The following DENND5B variants were observed in gnomAD, a reference collection of about 807,000 sequenced individuals.
DENND5B encodes the protein DENN domain-containing protein 5B.
Under a neutral mutation model 140.6 loss-of-function variants are expected in DENND5B, and 34 were observed. That is an observed-to-expected ratio of 0.24 (90% CI 0.18 to 0.32). The LOEUF is 0.32. Among genes scored for constraint, DENND5B ranks in the 10% least tolerant of loss-of-function variants. The pLI, the probability that DENND5B is intolerant of heterozygous loss-of-function variation, is 1.00. For missense variants in DENND5B, 1,142 were observed against 1,560.2 expected (o/e 0.73, Z 4.52); for synonymous variants, 551 against 562.1 (o/e 0.98, Z 0.28).
intron 1 of DENND5B, among the ~76,000 whole-genome samples, chr12:31,552,869 T>C (rs556829242): frequency 6.6e-6 from 1 of 152,354 alleles, no homozygotes; most frequent in East Asian, 1.9e-4. Flanking sequence ...GTGTTTATAG[T>C]ATCTCTGATG....
At chr12:31,449,478 A>G (rs793183) in intron 5 of DENND5B, among the ~76,000 whole-genome samples, 140,192 of 152,188 alleles carry the variant, frequency 0.92, 65,184 homozygotes, top group East Asian at 0.99. Context: ...GACCCTCATA[A>G]ACTATAAAAT....
chr12:31,465,400 C>G (rs772987627), intron 3 of DENND5B: 2 of 153,006 alleles, frequency 1.3e-5, no homozygotes, highest in African/African-American at 4.8e-5. Flanking sequence ...TGGAATCTCG[C>G]TCTGTTGCCC....
intron 17 of DENND5B, among the ~76,000 whole-genome samples, chr12:31,394,739 G>A (rs10771827): frequency 0.58 from 87,502 of 151,616 alleles, 25,693 homozygotes; most frequent in East Asian, 0.82. Context: ...TCAGCCTCCC[G>A]AGTAGCTGGG....
At chr12:31,546,890 A>G (rs1269148809) in intron 1 of DENND5B, among the ~76,000 whole-genome samples, 2 of 152,246 alleles carry the variant, frequency 1.3e-5, no homozygotes, top group African/African-American at 4.8e-5. Context: ...TTGAGTTTAC[A>G]GTCCGCAACA....
intron 1 of DENND5B, among the ~76,000 whole-genome samples, chr12:31,525,586 T>C (rs1298106840): frequency 6.6e-6 from 1 of 152,232 alleles, no homozygotes; most frequent in Non-Finnish European, 1.5e-5. Flanking sequence ...CTAACATTTA[T>C]TGTGGAATGG....
intron 1 of DENND5B, among the ~76,000 whole-genome samples, chr12:31,525,107 T>C (rs188426915): frequency 1.3e-3 from 201 of 152,268 alleles, no homozygotes; most frequent in Non-Finnish European, 1.7e-3. Context: ...TGTAAAGAAA[T>C]TGGAACCCTC....
intron 1 of DENND5B, among the ~76,000 whole-genome samples, chr12:31,575,306 C>T (rs1206056346): frequency 6.6e-6 from 1 of 152,158 alleles, no homozygotes; most frequent in African/African-American, 2.4e-5. Flanking sequence ...TCAATGTATT[C>T]TTATTAAAGT....
Position 31,387,802 on chromosome 12 carries a change from G to C in DENND5B, c.3642-16C>G, listed in dbSNP as rs1225136755. On this transcript the variant is annotated splice_polypyrimidine_tract_variant and intron_variant, in intron 20 of 20. Coordinates refer to ENST00000389082, the MANE Select transcript of DENND5B (RefSeq NM_144973.4). ...CAGGCGATCCCTACAGACCCAAACA[G>C]AAACAATTCCTGAGCATTGCTGGCC... The C allele has an allele frequency of 1.9e-6, 3 of 1,607,972 alleles. No individual in the cohort carries two copies. The South Asian group carries it at 3.3e-5, about 18-fold the overall frequency.
intron 1 of DENND5B, among the ~76,000 whole-genome samples, chr12:31,588,749 A>G (rs75696893): frequency 0.011 from 1,723 of 152,322 alleles, 19 homozygotes; most frequent in East Asian, 0.031. Flanking sequence ...ATCTCTTTAC[A>G]CTAGAACGTA....
intron 1 of DENND5B, among the ~76,000 whole-genome samples, chr12:31,508,699 C>T (rs1039038187): frequency 2.0e-5 from 3 of 152,168 alleles, no homozygotes; most frequent in Non-Finnish European, 4.4e-5. Context: ...AGTCTCTCTG[C>T]GTTAGTGTGT....
At chr12:31,507,511 C>G (rs1290552797) in intron 1 of DENND5B, among the ~76,000 whole-genome samples, 3 of 151,958 alleles carry the variant, frequency 2.0e-5, no homozygotes, top group East Asian at 3.9e-4. Flanking sequence ...TATTTACTTG[C>G]AAAAATAACC....
chr12:31,508,545 T>C (rs1370390168), intron 1 of DENND5B, among the ~76,000 whole-genome samples: 1 of 152,190 alleles, frequency 6.6e-6, no homozygotes, highest in Non-Finnish European at 1.5e-5. Flanking sequence ...GGGCTAAATA[T>C]GTTAGAAACG....
At chr12:31,425,974 T>A (rs1487314348) in intron 9 of DENND5B, among the ~76,000 whole-genome samples, 1 of 152,190 alleles carries the variant, frequency 6.6e-6, no homozygotes, top group East Asian at 1.9e-4. Context: ...ACAAAAGTGT[T>A]GCCTTTCACA....
rs116923900 is a variant in DENND5B at position 31,519,593 on chromosome 12, T to C, written c.128-23674A>G. On this transcript the variant is annotated intron_variant, in intron 1 of 20. Coordinates refer to ENST00000389082, the MANE Select transcript of DENND5B (RefSeq NM_144973.4). ...CACAAGTACTCACAAAAGAAGGCCA[T>C]TAGGCTTCCCTAAATGCCACCAGAT... is the stretch of plus-strand genomic sequence containing the variant. 7.6e-4 allele frequency among the ~76,000 whole-genome samples: 115 copies of C among 152,304 alleles called. No homozygotes were observed. The East Asian group carries it at 0.022, about 29-fold the overall frequency.
At chr12:31,587,001 A>T (rs1478495860) in intron 1 of DENND5B, among the ~76,000 whole-genome samples, 1 of 152,186 alleles carries the variant, frequency 6.6e-6, no homozygotes, top group Admixed American at 6.5e-5. Context: ...ACATGATATG[A>T]CATTCTCCTG....
chr12:31,411,102 G>A (rs994681516), intron 13 of DENND5B, among the ~76,000 whole-genome samples: 5 of 149,294 alleles, frequency 3.3e-5, no homozygotes, highest in Admixed American at 1.3e-4. Context: ...GCAATGGCAC[G>A]ATCTTGGCTC....
intron 1 of DENND5B, among the ~76,000 whole-genome samples, chr12:31,545,363 G>A (rs946484901): frequency 2.0e-5 from 3 of 152,034 alleles, no homozygotes; most frequent in African/African-American, 2.4e-5. Context: ...TATAATACCC[G>A]TTTTTCAACC....
At chr12:31,463,974 C>T (rs1225555636) in intron 3 of DENND5B, among the ~76,000 whole-genome samples, 2 of 152,164 alleles carry the variant, frequency 1.3e-5, no homozygotes, top group African/African-American at 4.8e-5. Flanking sequence ...AGCCCACACG[C>T]TTTTTAATAA....
chr12:31,568,850 G>C (rs1949717913), intron 1 of DENND5B, among the ~76,000 whole-genome samples: 1 of 151,996 alleles, frequency 6.6e-6, no homozygotes, highest in African/African-American at 2.4e-5. Context: ...AACTCCAAAG[G>C]CTGATTCAAC....
Sources: allele counts gnomAD v4.1 joint callset (sites outside exome capture counted in the v4.1 genomes callset), GRCh38; gene constraint gnomAD v4.1.1; transcripts MANE v1.5; gene names NCBI Gene and HGNC (gene_info 2026-07-23, HGNC 2026-07-21).